Variants in ITGA6 observed in about 807,000 individuals in gnomAD.
ITGA6 encodes the protein integrin alpha-6.
ITGA6 carries 63 observed loss-of-function variants against 133.6 expected under a neutral mutation model. The ratio of observed to expected loss-of-function variants is 0.47; its 90% CI spans 0.38 to 0.58. The LOEUF (loss-of-function observed/expected upper bound fraction) is 0.58, where lower values mean the gene tolerates loss of function less well. Among genes scored for constraint, ITGA6 ranks in the 20% least tolerant of loss-of-function variants. ITGA6 has a pLI of 0.00. For missense variants in ITGA6, 1,068 were observed against 1,309.4 expected (o/e 0.82, Z 2.85); for synonymous variants, 434 against 482.0 (o/e 0.90, Z 1.30).
Position 172,489,646 on chromosome 2 carries a change from C to A in ITGA6, c.2667C>A (p.Ser889=). Residue 889 remains serine, a synonymous_variant, in exon 20 of 26, where the codon TCC becomes TCA. Transcript: ENST00000684293. ...GTGAGCCACAAAAGGAGATAAACTC[C>A]CTGAACCTAACGGTATGTCGGTAGA... ...VTCEPQKEIN[S]LNLTESHNSR... is the part of the protein sequence containing the mutation. 6.2e-7 allele frequency: 1 copy of A among 1,613,600 alleles called. No homozygotes were observed. The highest frequency in any genetic ancestry group is 1.1e-5 in the South Asian group (1 of 91,058).
At position 172,432,623 on chromosome 2, in the gene ITGA6, A is replaced by AC. The variant is rs559989515; in HGVS notation, c.182+4654dup. 1.1e-4 allele frequency among the ~76,000 whole-genome samples: 16 copies of AC among 152,320 alleles called. No individual in the cohort carries two copies. In the South Asian group the frequency reaches 2.9e-3, roughly 28 times the overall value. ...ATCTGTAAGCTTAGCAAAGAAACGC[A>AC]CAAGACGTTAATTCTTGGTTTTTGA... On this transcript the variant is annotated intron_variant, in intron 1 of 25. Coordinates refer to ENST00000684293, the MANE Select transcript of ITGA6 (RefSeq NM_000210.4).
At chr2:172,447,474 C>T (rs188302402) in intron 1 of ITGA6, among the ~76,000 whole-genome samples, 118 of 152,052 alleles carry the variant, frequency 7.8e-4, no homozygotes, top group Non-Finnish European at 1.2e-3. Flanking sequence ...CAAAGTGCTA[C>T]GATTACAGGT....
intron 11 of ITGA6, among the ~76,000 whole-genome samples, chr2:172,482,243 T>C (rs929554245): frequency 6.6e-6 from 1 of 152,242 alleles, no homozygotes; most frequent in Non-Finnish European, 1.5e-5. Context: ...GGTGGAACTT[T>C]CCTTTGAAGA....
At chr2:172,465,344 T>C (rs1685608555) in intron 1 of ITGA6, 195 bp from the exon 2 acceptor site, 1 of 666,008 alleles carries the variant, frequency 1.5e-6, no homozygotes, top group South Asian at 1.7e-5. Context: ...TGGCTTCCCC[T>C]GTTTAGTTGT....
At chr2:172,495,397 G>A (rs545026000) in intron 23 of ITGA6, 1 of 152,328 alleles carries the variant, frequency 6.6e-6, no homozygotes, top group Admixed American at 6.5e-5. Flanking sequence ...AACAGTTGGT[G>A]TGACAAGACA....
intron 1 of ITGA6, among the ~76,000 whole-genome samples, chr2:172,461,812 CT>C (rs1685437150): frequency 6.6e-6 from 1 of 152,182 alleles, no homozygotes; most frequent in African/African-American, 2.4e-5. Context: ...CCTCCTGGAC[CT>C]GTACCCACTC....
chr2:172,465,987 G>GT (rs1370614775), intron 2 of ITGA6: 5 of 411,580 alleles, frequency 1.2e-5, no homozygotes, highest in African/African-American at 6.1e-5. Flanking sequence ...ATGAATGAGC[G>GT]TATCTTGTAT....
chr2:172,467,395 T>G lies in ITGA6; in HGVS notation c.308-86T>G. 6.0e-6 allele frequency: 6 copies of G among 1,006,444 alleles called. No individual in the cohort carries two copies. The South Asian group carries it at 7.9e-5, about 13-fold the overall frequency. The allele number at this position is 1,006,444 out of a possible 1,614,324, so 62.3% of individuals were successfully genotyped here. On this transcript the variant is annotated intron_variant, in intron 2 of 25. Transcript: ENST00000684293. The stretch of plus-strand genomic sequence containing the variant: ...TAGCTAGACTCAGAGTCGAGGCCAT[T>G]TGGAAACAGTTGCTTGTATTTTTGT...
chr2:172,475,528 C>G, intron 7 of ITGA6, 69 bp from the exon 8 acceptor site: 1 of 914,950 alleles, frequency 1.1e-6, no homozygotes, highest in Non-Finnish European at 1.8e-6. Context: ...TGTCATCTTA[C>G]TTTAAAACAT....
Position 172,475,138 on chromosome 2 carries a change from T to G in ITGA6, c.1180+16T>G. 1 of 1,377,110 alleles carries G rather than the reference T, an allele frequency of 7.3e-7. No homozygotes were observed. Among genetic ancestry groups the G allele is most frequent in the Non-Finnish European group, 1.0e-6 (1 of 964,062 alleles). 85.3% of individuals were successfully genotyped at this position (1,377,110 alleles called of 1,614,324 possible). A position where few individuals can be genotyped will look rare whatever the true frequency, so the allele number is the denominator to read the frequency against. On this transcript the variant is annotated intron_variant, in intron 7 of 25. Transcript: ENST00000684293. The stretch of plus-strand genomic sequence containing the variant: ...GGCTACCCAGGTAGATAATAGATTA[T>G]GAAATGGCTATGATTTATAGATTAT...
At position 172,504,167 on chromosome 2, in the gene ITGA6, G is replaced by T. The variant is rs762381798; in HGVS notation, c.*99G>T. The T allele has an allele frequency of 1.7e-5, 27 of 1,592,976 alleles. No individual in the cohort carries two copies. Among genetic ancestry groups the T allele is most frequent in the Non-Finnish European group, 2.1e-5 (25 of 1,168,632 alleles). ...GCTGTAAGGATCCGGAAAGAAGAGC[G>T]AGAGATCAAAGATGAAAAGTATATT... On this transcript the variant is annotated 3_prime_UTR_variant, in exon 26 of 26. Transcript: ENST00000684293.
At chr2:172,431,896 A>T (rs3115745) in intron 1 of ITGA6, among the ~76,000 whole-genome samples, 88,206 of 152,110 alleles carry the variant, frequency 0.58, 26,222 homozygotes, top group East Asian at 0.99. Context: ...GGAAGTCAGG[A>T]TAAATGCTTA....
chr2:172,487,397 G>C lies in ITGA6; in HGVS notation c.2104G>C (p.Ala702Pro). The C allele has an allele frequency of 1.2e-6, 2 of 1,614,176 alleles. No homozygotes were observed. The highest frequency in any genetic ancestry group is 1.7e-6 in the Non-Finnish European group (2 of 1,179,990). The part of the protein sequence containing the change: ...GDDAHEAKLI[A>P]TFPDTLTYSA... ...TGACGCCCATGAGGCTAAACTGATT[G>C]CAACGTTTCCAGACACTTTAACCTA... The change falls in exon 15 of 26, where the codon GCA becomes CCA. Residue 702 changes from alanine to proline, a missense_variant. Transcript: ENST00000684293.
Position 172,484,907 on chromosome 2 carries a change from CAG to C in ITGA6, c.1677_1678del (p.Lys560SerfsTer12), listed in dbSNP as rs766406070. ...AGAACTAACTCTGAAGAGGCAGAAA[CAG>C]AAAGTGTGCATGGAGGAAACCCTGT... The part of the protein sequence containing the change: ...TQELTLKRQK[Q>X]KVCMEETLWL... On this transcript the variant is annotated frameshift_variant, in exon 12 of 26. Transcript: ENST00000684293. LOFTEE classifies it high-confidence loss of function. 1.2e-6 allele frequency: 2 copies of C among 1,614,146 alleles called. No individual in the cohort carries two copies. The highest frequency in any genetic ancestry group is 1.7e-6 in the Non-Finnish European group (2 of 1,180,008).
upstream of ITGA6, chr2:172,427,402 C>T (rs1294985409): frequency 2.9e-6 from 3 of 1,019,734 alleles, no homozygotes; most frequent in South Asian, 4.2e-5. Context: ...GCCGCGAGCT[C>T]GCCTCCGGGG....
Position 172,504,166 on chromosome 2 carries a change from C to A in ITGA6, c.*98C>A. 1 of 1,592,586 alleles carries A rather than the reference C, an allele frequency of 6.3e-7. No homozygotes were observed. Among genetic ancestry groups the A allele is most frequent in the Non-Finnish European group, 8.6e-7 (1 of 1,168,352 alleles). On this transcript the variant is annotated 3_prime_UTR_variant, in exon 26 of 26. Coordinates refer to ENST00000684293, the MANE Select transcript of ITGA6 (RefSeq NM_000210.4). The stretch of plus-strand genomic sequence containing the variant: ...TGCTGTAAGGATCCGGAAAGAAGAG[C>A]GAGAGATCAAAGATGAAAAGTATAT...
chr2:172,448,421 A>C (rs778965213), intron 1 of ITGA6, among the ~76,000 whole-genome samples: 1 of 152,154 alleles, frequency 6.6e-6, no homozygotes. Flanking sequence ...GACCTTGGAC[A>C]AGTTACTTGT....
intron 25 of ITGA6, 151 bp from the exon 26 acceptor site, chr2:172,503,940 C>A: frequency 2.0e-6 from 1 of 503,752 alleles, no homozygotes. Flanking sequence ...TTCATTTCAG[C>A]CTCTTGGTTC....
chr2:172,475,166 G>T, intron 7 of ITGA6, 44 bp downstream of exon 7: 1 of 1,260,710 alleles, frequency 7.9e-7, no homozygotes, highest in Non-Finnish European at 1.2e-6. Context: ...TAGATTATTT[G>T]ATTGTTTAAA....
Sources: allele counts gnomAD v4.1 joint callset (sites outside exome capture counted in the v4.1 genomes callset), GRCh38; gene constraint gnomAD v4.1.1; transcripts MANE v1.5; gene names NCBI Gene and HGNC (gene_info 2026-07-23, HGNC 2026-07-21).